Variants in ADAMTSL1 observed in about 807,000 individuals in gnomAD.
The protein encoded by ADAMTSL1 is ADAMTS like 1.
ADAMTSL1 carries 126 observed loss-of-function variants against 201.8 expected under a neutral mutation model. That is an observed-to-expected ratio of 0.62 (90% CI 0.54 to 0.72). The LOEUF is 0.72. ADAMTSL1 is among the 30% of genes least tolerant of loss of function. The probability of loss-of-function intolerance (pLI) is 0.00; values close to 1 mark genes in which losing one functional copy is unlikely to be tolerated. For synonymous variants in ADAMTSL1, 1,121 were observed against 903.4 expected (o/e 1.24, Z -4.32); for missense variants, 2,679 against 2,277.8 (o/e 1.18, Z -3.59).
At chr9:18,893,486 G>A (rs1040481159) in intron 26 of ADAMTSL1, among the ~76,000 whole-genome samples, 1 of 152,096 alleles carries the variant, frequency 6.6e-6, no homozygotes, top group East Asian at 1.9e-4. Flanking sequence ...AGGCCAGTAC[G>A]TGTCGAGCTT....
chr9:17,987,959 T>G (rs1300764533), intron 1 of ADAMTSL1, among the ~76,000 whole-genome samples: 1 of 152,134 alleles, frequency 6.6e-6, no homozygotes, highest in African/African-American at 2.4e-5. Flanking sequence ...AAATCTTTTT[T>G]TGAATTACAT....
At chr9:18,570,724 C>G (rs1822243317) in intron 3 of ADAMTSL1, among the ~76,000 whole-genome samples, 1 of 152,188 alleles carries the variant, frequency 6.6e-6, no homozygotes, top group Admixed American at 6.5e-5. Flanking sequence ...GGTTCAAGTT[C>G]AGTTTCCAAC....
chr9:17,983,421 A>G (rs1025591621), intron 1 of ADAMTSL1, among the ~76,000 whole-genome samples: 1 of 152,136 alleles, frequency 6.6e-6, no homozygotes, highest in Non-Finnish European at 1.5e-5. Flanking sequence ...GCCAAGATTG[A>G]GAACCTCTTC....
chr9:18,138,269 CTTAAAACCAAACTGTGTT>C (rs1486112484), intron 1 of ADAMTSL1, among the ~76,000 whole-genome samples: 2 of 152,130 alleles, frequency 1.3e-5, no homozygotes, highest in Non-Finnish European at 2.9e-5. Context: ...TTAGAATTTT[CTTAAAACCAAACTGTGTT>C]TCAGGTTTTA....
intron 1 of ADAMTSL1, among the ~76,000 whole-genome samples, chr9:17,990,743 C>T (rs1819121182): frequency 6.6e-6 from 1 of 152,008 alleles, no homozygotes. Flanking sequence ...AGCTGAGCCA[C>T]GTTACTAGAT....
chr9:18,261,951 A>G (rs908769396), intron 2 of ADAMTSL1, among the ~76,000 whole-genome samples: 4 of 152,204 alleles, frequency 2.6e-5, no homozygotes, highest in Admixed American at 6.5e-5. Flanking sequence ...CATAAAACCT[A>G]TGTAATTCAT....
intron 2 of ADAMTSL1, among the ~76,000 whole-genome samples, chr9:18,205,343 A>G (rs932287791): frequency 5.3e-5 from 8 of 152,202 alleles, no homozygotes; most frequent in African/African-American, 1.9e-4. Context: ...AAAATACACA[A>G]TAACATCTTA....
chr9:18,342,535 A>T (rs184639505), intron 2 of ADAMTSL1, among the ~76,000 whole-genome samples: 1 of 152,258 alleles, frequency 6.6e-6, no homozygotes, highest in East Asian at 1.9e-4. Flanking sequence ...TATATTAGAA[A>T]ATATCACTTT....
intron 2 of ADAMTSL1, among the ~76,000 whole-genome samples, chr9:18,394,726 C>A (rs1325036138): frequency 2.0e-5 from 3 of 152,150 alleles, no homozygotes; most frequent in South Asian, 4.1e-4. Flanking sequence ...GGCACACCAA[C>A]CCCGAAAATA....
chr9:18,438,569 G>GCGTGTCCCTTCCCGCACTGCC (rs1471594880), intron 2 of ADAMTSL1, among the ~76,000 whole-genome samples: 4 of 152,254 alleles, frequency 2.6e-5, no homozygotes, highest in African/African-American at 9.6e-5. Flanking sequence ...CGGGTTTCAA[G>GCGTGTCCCTTCCCGCACTGCC]CGTGTCCCTT....
At chr9:18,469,603 A>G (rs77012046), upstream of ADAMTSL1, among the ~76,000 whole-genome samples, 1,096 of 152,348 alleles carry the variant, frequency 7.2e-3, 4 homozygotes, top group Admixed American at 0.015. Context: ...GCTGAATGGA[A>G]AAGCTGCATG....
At position 18,104,139 on chromosome 9, in the gene ADAMTSL1, G is replaced by A. The variant is rs1587058706; in HGVS notation, c.88-59723G>A. On this transcript the variant is annotated intron_variant, in intron 1 of 29. Transcript: ENST00000680146. ...ATCTCTTTATTTCATGAAAAGCTGAGGCCTAGGAGTATTTATTAGTTCTCT... is the reference window on the plus strand; with the variant it reads ...ATCTCTTTATTTCATGAAAAGCTGAAGCCTAGGAGTATTTATTAGTTCTCT... Among the ~76,000 whole-genome samples, 3 of 152,264 alleles carry A rather than the reference G, an allele frequency of 2.0e-5. No homozygotes were observed. The Middle Eastern group carries it at 0.01, about 518-fold the overall frequency.
rs145051629 is a variant in ADAMTSL1 at position 18,397,301 on chromosome 9, G to A, written c.208-107528G>A. 3.9e-5 allele frequency among the ~76,000 whole-genome samples: 6 copies of A among 152,042 alleles called. No individual in the cohort carries two copies. In the East Asian group the frequency reaches 5.8e-4, roughly 15 times the overall value. ...ATCCCAGAAGGAAATCCTGCCTCGT[G>A]GTATAATTCTTTTCAAGAAGAGAAA... On this transcript the variant is annotated intron_variant, in intron 2 of 29. Coordinates refer to the ADAMTSL1 transcript ENST00000680146.
intron 2 of ADAMTSL1, among the ~76,000 whole-genome samples, chr9:18,387,976 C>T (rs1246444916): frequency 1.6e-5 from 2 of 128,944 alleles, no homozygotes; most frequent in Admixed American, 1.5e-4. Context: ...TTCAAAATTG[C>T]TGTACCTTTC....
At chr9:18,797,532 C>T (rs971661933) in intron 20 of ADAMTSL1, among the ~76,000 whole-genome samples, 1 of 151,860 alleles carries the variant, frequency 6.6e-6, no homozygotes, top group Non-Finnish European at 1.5e-5. Flanking sequence ...GAGAAAGTTG[C>T]AATTTACTTC....
intron 23 of ADAMTSL1, among the ~76,000 whole-genome samples, chr9:18,873,931 T>C (rs1465027191): frequency 6.6e-6 from 1 of 152,190 alleles, no homozygotes; most frequent in Non-Finnish European, 1.5e-5. Flanking sequence ...TCCTTGAGCA[T>C]GGAATGTGTT....
At chr9:18,601,512 C>T (rs1337848591) in intron 4 of ADAMTSL1, among the ~76,000 whole-genome samples, 1 of 152,176 alleles carries the variant, frequency 6.6e-6, no homozygotes, top group African/African-American at 2.4e-5. Context: ...CTAAGTGTCT[C>T]TATTACTGAA....
intron 1 of ADAMTSL1, among the ~76,000 whole-genome samples, chr9:18,012,763 T>G (rs892502848): frequency 6.6e-6 from 1 of 152,008 alleles, no homozygotes; most frequent in East Asian, 1.9e-4. Flanking sequence ...TCAGGGTTGA[T>G]GAGGTATCAC....
At chr9:17,975,864 T>G (rs570532128) in intron 1 of ADAMTSL1, among the ~76,000 whole-genome samples, 5 of 152,278 alleles carry the variant, frequency 3.3e-5, no homozygotes, top group Non-Finnish European at 5.9e-5. Context: ...GTTCTGATAT[T>G]TAACTGTTTA....
Sources: gnomAD v4.1 joint callset for allele counts (sites outside exome capture counted in the v4.1 genomes callset) on GRCh38, gnomAD v4.1.1 for gene constraint, MANE v1.5 for transcripts, NCBI Gene and HGNC (gene_info 2026-07-23, HGNC 2026-07-21) for gene names.